The following SYT1 variants were observed in gnomAD, a reference collection of about 807,000 sequenced individuals.
SYT1 encodes synaptotagmin-1.
Under a neutral mutation model 44.8 loss-of-function variants are expected in SYT1, and 8 were observed. The ratio of observed to expected loss-of-function variants is 0.18; its 90% CI spans 0.10 to 0.32. SYT1 has a LOEUF of 0.32. SYT1 is among the 10% of genes least tolerant of loss of function. SYT1 has a pLI of 1.00. For synonymous variants in SYT1, 154 were observed against 188.8 expected, an observed-to-expected ratio of 0.82 and a Z score of 1.51; for missense variants, 286 against 509.3, an observed-to-expected ratio of 0.56 and a Z score of 4.22.
chr12:79,172,380 T>G (rs1406896821), intron 3 of SYT1, among the ~76,000 whole-genome samples: 1 of 152,026 alleles, frequency 6.6e-6, no homozygotes, highest in Admixed American at 6.6e-5. Context: ...AGACATTTAC[T>G]GGGACACAGA....
chr12:79,174,361 G>T (rs1455446809), intron 3 of SYT1, among the ~76,000 whole-genome samples: 1 of 152,014 alleles, frequency 6.6e-6, no homozygotes, highest in Non-Finnish European at 1.5e-5. Flanking sequence ...TAATAATCTG[G>T]AAGTGGTATT....
At chr12:79,321,885 G>A (rs931655113) in intron 8 of SYT1, among the ~76,000 whole-genome samples, 3 of 152,182 alleles carry the variant, frequency 2.0e-5, no homozygotes, top group African/African-American at 7.2e-5. Context: ...GGAAGATAAT[G>A]CTTCAGATAT....
At chr12:79,330,435 T>C (rs974946938) in intron 8 of SYT1, among the ~76,000 whole-genome samples, 34 of 152,060 alleles carry the variant, frequency 2.2e-4, no homozygotes, top group African/African-American at 8.2e-4. Flanking sequence ...AAGAAGAAAA[T>C]TAAAATTTCA....
At chr12:79,324,569 T>C (rs1273905325) in intron 8 of SYT1, among the ~76,000 whole-genome samples, 1 of 152,220 alleles carries the variant, frequency 6.6e-6, no homozygotes, top group Non-Finnish European at 1.5e-5. Context: ...CAGCAGATTG[T>C]TCAAGAGAGG....
chr12:79,157,609 A>T (rs1870680234), intron 3 of SYT1, among the ~76,000 whole-genome samples: 1 of 152,138 alleles, frequency 6.6e-6, no homozygotes, highest in African/African-American at 2.4e-5. Context: ...ATAAATACTT[A>T]TGGAGTATTG....
chr12:78,879,370 G>T (rs374599355), intron 1 of SYT1, among the ~76,000 whole-genome samples: 1 of 151,756 alleles, frequency 6.6e-6, no homozygotes, highest in Non-Finnish European at 1.5e-5. Flanking sequence ...TTTGGAAGCT[G>T]AACAAAATCA....
At chr12:79,191,259 A>G (rs1873105572) in intron 3 of SYT1, among the ~76,000 whole-genome samples, 1 of 152,096 alleles carries the variant, frequency 6.6e-6, no homozygotes, top group African/African-American at 2.4e-5. Context: ...AAAATAAGGA[A>G]TGTCTTGATG....
chr12:79,122,115 C>T (rs1332765550), intron 3 of SYT1, among the ~76,000 whole-genome samples: 1 of 152,178 alleles, frequency 6.6e-6, no homozygotes, highest in Non-Finnish European at 1.5e-5. Flanking sequence ...ATCTTTAGCA[C>T]ATCTTGAGTA....
chr12:79,389,446 A>G (rs1293985811), intron 9 of SYT1, among the ~76,000 whole-genome samples: 2 of 152,240 alleles, frequency 1.3e-5, no homozygotes, highest in Admixed American at 1.3e-4. Flanking sequence ...CTAAGCATTT[A>G]ATATGAATCA....
At chr12:79,025,440 T>G (rs946976801) in intron 2 of SYT1, among the ~76,000 whole-genome samples, 1 of 151,676 alleles carries the variant, frequency 6.6e-6, no homozygotes, top group Non-Finnish European at 1.5e-5. Context: ...TCTAGTAGCC[T>G]TTTTTAAACC....
At chr12:79,290,479 G>C (rs1879527743) in intron 5 of SYT1, among the ~76,000 whole-genome samples, 1 of 152,150 alleles carries the variant, frequency 6.6e-6, no homozygotes, top group Non-Finnish European at 1.5e-5. Context: ...GGGGGTAGCA[G>C]AGTGGAGGAA....
chr12:79,208,314 G>T (rs559446258), intron 3 of SYT1, among the ~76,000 whole-genome samples: 15 of 152,240 alleles, frequency 9.9e-5, no homozygotes, highest in African/African-American at 3.6e-4. Flanking sequence ...CTGCTTTAAT[G>T]GTGTGAATTG....
At chr12:79,407,333 G>T (rs1320248841) in intron 9 of SYT1, among the ~76,000 whole-genome samples, 1 of 152,046 alleles carries the variant, frequency 6.6e-6, no homozygotes, top group Admixed American at 6.6e-5. Flanking sequence ...TTCCAGTTTT[G>T]AGAAGAAAAG....
intron 4 of SYT1, among the ~76,000 whole-genome samples, chr12:79,271,448 T>C (rs1046521522): frequency 6.6e-6 from 1 of 152,096 alleles, no homozygotes; most frequent in Non-Finnish European, 1.5e-5. Context: ...ATTTGAAAAA[T>C]GTACCGTATT....
chr12:78,993,350 G>A (rs1390616527), intron 2 of SYT1, among the ~76,000 whole-genome samples: 2 of 152,180 alleles, frequency 1.3e-5, no homozygotes, highest in African/African-American at 4.8e-5. Context: ...TTTTCCATGA[G>A]TTTGGTGTTT....
chr12:78,921,449 C>T (rs1876994234), intron 1 of SYT1, among the ~76,000 whole-genome samples: 2 of 152,096 alleles, frequency 1.3e-5, no homozygotes, highest in East Asian at 1.9e-4. Flanking sequence ...TAAGGAGAGA[C>T]TTTAATATTC....
intron 3 of SYT1, among the ~76,000 whole-genome samples, chr12:79,050,003 T>C (rs1448093171): frequency 6.6e-6 from 1 of 152,020 alleles, no homozygotes; most frequent in Non-Finnish European, 1.5e-5. Context: ...TATTCTAAAA[T>C]ACAGTTGACT....
chr12:79,271,486 A>G (rs1357236602), intron 4 of SYT1, among the ~76,000 whole-genome samples: 2 of 152,180 alleles, frequency 1.3e-5, no homozygotes, highest in African/African-American at 4.8e-5. Flanking sequence ...TTTAGCAAAT[A>G]TGAGAAATTG....
intron 3 of SYT1, among the ~76,000 whole-genome samples, chr12:79,179,228 A>G (rs1359298275): frequency 1.2e-5 from 1 of 85,810 alleles, no homozygotes; most frequent in African/African-American, 8.0e-5. Flanking sequence ...ATATAGATAT[A>G]GATATAGATA....
Sources: gnomAD v4.1 joint callset for allele counts (sites outside exome capture counted in the v4.1 genomes callset) on GRCh38, gnomAD v4.1.1 for gene constraint, MANE v1.5 for transcripts, NCBI Gene and HGNC (gene_info 2026-07-23, HGNC 2026-07-21) for gene names.